RHBDD1: variants seen among roughly 807,000 people sequenced by gnomAD.
RHBDD1 encodes the protein rhomboid-related protein 4.
Under a neutral mutation model 36.3 loss-of-function variants are expected in RHBDD1, and 38 were observed. That is an observed-to-expected ratio of 1.05 (90% CI 0.81 to 1.37). The LOEUF (loss-of-function observed/expected upper bound fraction) is 1.37. RHBDD1 is among the 40% of genes most tolerant of loss of function. The probability of loss-of-function intolerance (pLI) is 0.00; values close to 1 mark genes in which losing one functional copy is unlikely to be tolerated. For missense variants in RHBDD1, 393 were observed against 377.6 expected (o/e 1.04, Z -0.34); for synonymous variants, 151 against 136.5 (o/e 1.11, Z -0.74).
intron 8 of RHBDD1, among the ~76,000 whole-genome samples, chr2:226,928,652 A>G (rs755611200): frequency 3.9e-5 from 6 of 152,070 alleles, no homozygotes; most frequent in Non-Finnish European, 8.8e-5. Context: ...AATAACAAAG[A>G]TCAGAGCAGA....
At chr2:226,850,421 A>G (rs192554650) in intron 3 of RHBDD1, among the ~76,000 whole-genome samples, 1 of 152,342 alleles carries the variant, frequency 6.6e-6, no homozygotes, top group East Asian at 1.9e-4. Context: ...ACAACAATGC[A>G]CAAAGGGTTT....
intron 8 of RHBDD1, among the ~76,000 whole-genome samples, chr2:226,931,473 G>C (rs551108032): frequency 1.1e-3 from 163 of 152,038 alleles, no homozygotes; most frequent in Non-Finnish European, 1.9e-3. Flanking sequence ...TGGTTTAACA[G>C]ACTTTTGAGA....
At chr2:226,958,314 G>A (rs924088750) in intron 8 of RHBDD1, among the ~76,000 whole-genome samples, 1 of 152,142 alleles carries the variant, frequency 6.6e-6, no homozygotes, top group Non-Finnish European at 1.5e-5. Context: ...ATATGAAGTG[G>A]CCATAATAGG....
At chr2:226,929,719 G>A (rs1248957009) in intron 8 of RHBDD1, among the ~76,000 whole-genome samples, 2 of 151,880 alleles carry the variant, frequency 1.3e-5, no homozygotes, top group African/African-American at 4.8e-5. Context: ...GTTTGCTGAT[G>A]ATATGATTGT....
At chr2:226,960,623 AG>A (rs368887800) in intron 8 of RHBDD1, among the ~76,000 whole-genome samples, 2 of 152,256 alleles carry the variant, frequency 1.3e-5, no homozygotes, top group African/African-American at 4.8e-5. Context: ...AGGCAAAATT[AG>A]GGGTTATCAA....
the RHBDD1 span, among the ~76,000 whole-genome samples, chr2:226,808,844 C>T: frequency 3.3e-5 from 5 of 150,960 alleles, no homozygotes; most frequent in Non-Finnish European, 7.4e-5. Context: ...ACCTAGACCA[C>T]AGTTCTTGAT....
At chr2:226,850,956 TA>T in intron 3 of RHBDD1, among the ~76,000 whole-genome samples, 1 of 152,094 alleles carries the variant, frequency 6.6e-6, no homozygotes, top group South Asian at 2.1e-4. Context: ...TTAGTCACCC[TA>T]GGGGGTTGAA....
At chr2:226,913,913 A>G (rs1474851709) in intron 7 of RHBDD1, among the ~76,000 whole-genome samples, 1 of 151,904 alleles carries the variant, frequency 6.6e-6, no homozygotes, top group Non-Finnish European at 1.5e-5. Flanking sequence ...GAAAGAATCC[A>G]CTCCATATGT....
chr2:226,982,502 T>C (rs560009077), intron 8 of RHBDD1, among the ~76,000 whole-genome samples: 1 of 152,376 alleles, frequency 6.6e-6, no homozygotes, highest in East Asian at 1.9e-4. Context: ...GCATTCAGCA[T>C]CAATAGATGT....
chr2:226,920,438 T>C (rs1017344305), intron 8 of RHBDD1, among the ~76,000 whole-genome samples: 1 of 152,170 alleles, frequency 6.6e-6, no homozygotes, highest in South Asian at 2.1e-4. Context: ...ATAACAGTGG[T>C]GAAAGTGTGC....
chr2:226,862,134 G>T lies in RHBDD1; in HGVS notation c.-90-2470G>T, dbSNP rs150085870. ...TAGGAGTACATTTGAGTCTTTTTAG[G>T]ATGTTACCATTTGCAAAGGAATTAA... On this transcript the variant is annotated intron_variant, in intron 3 of 8. Transcript: ENST00000392062. Among the ~76,000 whole-genome samples the T allele has an allele frequency of 3.9e-5, 6 of 152,254 alleles. No individual in the cohort carries two copies. The East Asian group carries it at 7.7e-4, about 20-fold the overall frequency.
the RHBDD1 span, chr2:226,807,357 T>C: frequency 1.3e-5 from 2 of 152,320 alleles, no homozygotes; most frequent in African/African-American, 4.8e-5. Context: ...AGAAGAAAAA[T>C]TTTAAAAACT....
chr2:226,943,309 T>G (rs1003596153), intron 8 of RHBDD1, among the ~76,000 whole-genome samples: 2 of 152,210 alleles, frequency 1.3e-5, no homozygotes, highest in Non-Finnish European at 2.9e-5. Context: ...AAAATTACAC[T>G]CTAATTATTT....
intron 8 of RHBDD1, chr2:226,969,195 C>T (rs764444450): frequency 6.6e-6 from 1 of 152,210 alleles, no homozygotes; most frequent in Non-Finnish European, 1.5e-5. Flanking sequence ...TGATAAAAAC[C>T]GAAGGCTCGG....
At chr2:226,926,516 ATAGT>A (rs1452381332) in intron 8 of RHBDD1, among the ~76,000 whole-genome samples, 1 of 152,174 alleles carries the variant, frequency 6.6e-6, no homozygotes, top group Non-Finnish European at 1.5e-5. Flanking sequence ...GTGTATTTAA[ATAGT>A]TAGTTCTGTG....
Position 226,965,574 on chromosome 2 carries a change from A to AT in RHBDD1, c.857-29851dup, listed in dbSNP as rs529216896. On this transcript the variant is annotated intron_variant, in intron 8 of 8. Transcript: ENST00000392062. Reference sequence around the variant, plus strand: ...ACACATTTTGCAGTAAAATGAAAGGATTTTTTGACAGAATGCCTGCAATTG... The same window carrying AT: ...ACACATTTTGCAGTAAAATGAAAGGATTTTTTTGACAGAATGCCTGCAATTG... Among the ~76,000 whole-genome samples, 325 of 152,254 alleles carry AT rather than the reference A, an allele frequency of 2.1e-3. 2 individuals are homozygous for AT. The highest frequency in any genetic ancestry group is 7.3e-3 in the African/African-American group (303 of 41,542).
the RHBDD1 span, among the ~76,000 whole-genome samples, chr2:226,812,403 T>G: frequency 6.6e-6 from 1 of 152,228 alleles, no homozygotes; most frequent in Non-Finnish European, 1.5e-5. Flanking sequence ...TAGAAATAAA[T>G]TCTACAGTAG....
intron 5 of RHBDD1, among the ~76,000 whole-genome samples, chr2:226,873,128 C>T (rs1944926401): frequency 6.6e-6 from 1 of 152,176 alleles, no homozygotes; most frequent in Admixed American, 6.5e-5. Context: ...GGGACCGCTG[C>T]TCTTGCATAT....
intron 8 of RHBDD1, among the ~76,000 whole-genome samples, chr2:226,975,843 G>A (rs1169339427): frequency 1.3e-5 from 2 of 152,090 alleles, no homozygotes; most frequent in Non-Finnish European, 2.9e-5. Context: ...AGATTTCATT[G>A]TCACCAATAG....
Sources: gnomAD v4.1 joint callset for allele counts (sites outside exome capture counted in the v4.1 genomes callset) on GRCh38, gnomAD v4.1.1 for gene constraint, MANE v1.5 for transcripts, NCBI Gene and HGNC (gene_info 2026-07-23, HGNC 2026-07-21) for gene names.